The following COL12A1 variants were observed in gnomAD, a reference collection of about 807,000 sequenced individuals.
COL12A1 encodes the protein collagen type XII alpha 1 chain.
COL12A1 carries 114 observed loss-of-function variants against 349.7 expected under a neutral mutation model. The ratio of observed to expected loss-of-function variants is 0.33; its 90% CI spans 0.28 to 0.38. The LOEUF (loss-of-function observed/expected upper bound fraction) is 0.38. COL12A1 is among the 10% of genes least tolerant of loss of function. The pLI is 1.00. For missense variants in COL12A1, 3,284 were observed against 3,756.9 expected (o/e 0.87, Z 3.29); for synonymous variants, 1,369 against 1,329.0 (o/e 1.03, Z -0.66).
In COL12A1 at chr6:75,137,540, G is replaced by T. The variant is rs1766682903; in HGVS notation, c.5291C>A (p.Ala1764Glu). Residue 1764 changes from alanine (A) to glutamate (E), a missense_variant, in exon 31 of 66, where the codon GCA becomes GAA. Coordinates refer to ENST00000322507, the MANE Select transcript of COL12A1 (RefSeq NM_004370.6). ...SGPRNLQVYN[A>E]TSNSLTVKWD... is the part of the protein sequence containing the mutation. ...CTTAACAGTCAGGCTGTTAGATGTTGCATTGTACACTTGAAGGTTTCGTGG... is the reference window on the plus strand; with the variant it reads ...CTTAACAGTCAGGCTGTTAGATGTTTCATTGTACACTTGAAGGTTTCGTGG... 1 of 1,613,752 alleles carries T rather than the reference G, an allele frequency of 6.2e-7. No individual in the cohort carries two copies. Among genetic ancestry groups the T allele is most frequent in the Admixed American group, 1.7e-5 (1 of 59,980 alleles).
Position 75,148,496 on chromosome 6 carries a change from A to G in COL12A1, c.4149T>C (p.Gly1383=), listed in dbSNP as rs1767315929. ...INLCNSVKGP[G]DLEAPSNLVI... ...CTAAGTTAGAAGGTGCTTCCAAATC[A>G]CCTACACATGGAAATAAAGGGTATA... The change falls in exon 22 of 66, where the codon GGT becomes GGC. Residue 1383 remains glycine, a splice_region_variant and synonymous_variant. Transcript: ENST00000322507. 6.2e-7 allele frequency: 1 copy of G among 1,611,996 alleles called. No individual in the cohort carries two copies. Among genetic ancestry groups the G allele is most frequent in the African/African-American group, 1.3e-5 (1 of 74,812 alleles).
At chr6:75,137,349 G>T in intron 31 of COL12A1, 88 bp downstream of exon 31, 1 of 1,208,812 alleles carries the variant, frequency 8.3e-7, no homozygotes, top group Non-Finnish European at 1.1e-6. Context: ...TAAAAAGTAA[G>T]TATGACTAAC....
Position 75,192,272 on chromosome 6 carries a change from C to A in COL12A1, c.274G>T (p.Val92Leu), listed in dbSNP as rs377482121. The part of the protein sequence containing the change: ...SELVPETEYV[V>L]TITSYDEVEE... ...ACTTCATCATATGAAGTTATTGTCA[C>A]CACATACTCTGTTTCAGGTACAAGT... The change falls in exon 4 of 66, where the codon GTG (valine) becomes TTG (leucine). Residue 92 changes from valine (V) to leucine (L), a missense_variant. Val to Leu is a conservative substitution (Grantham distance 32). Transcript: ENST00000322507. The A allele has an allele frequency of 6.2e-6, 10 of 1,611,052 alleles. No individual in the cohort carries two copies. Among genetic ancestry groups the A allele is most frequent in the Non-Finnish European group, 8.5e-6 (10 of 1,178,226 alleles).
intron 60 of COL12A1, 28 bp downstream of exon 60, chr6:75,095,080 T>G: frequency 1.2e-6 from 2 of 1,605,294 alleles, no homozygotes; most frequent in South Asian, 1.1e-5. Context: ...GAAACCACTG[T>G]CAGTAGACAT....
chr6:75,095,909 TAAG>T (rs1189897786), intron 59 of COL12A1, among the ~76,000 whole-genome samples: 6 of 152,118 alleles, frequency 3.9e-5, no homozygotes, highest in Non-Finnish European at 8.8e-5. Context: ...GGAGAAGAAT[TAAG>T]AAGGTGGCCA....
chr6:75,200,505 G>A (rs1042926193), intron 2 of COL12A1, among the ~76,000 whole-genome samples: 11 of 152,096 alleles, frequency 7.2e-5, no homozygotes, highest in Non-Finnish European at 1.3e-4. Context: ...CCCAGGAGGC[G>A]GAGGCTGCAG....
intron 3 of COL12A1, among the ~76,000 whole-genome samples, chr6:75,193,948 T>C (rs2149481518): frequency 6.6e-6 from 1 of 152,348 alleles, no homozygotes; most frequent in South Asian, 2.1e-4. Flanking sequence ...GGCATATATG[T>C]GCCACATTTT....
In COL12A1 at chr6:75,121,369, T is replaced by C. The variant is rs1474542485; in HGVS notation, c.7019A>G (p.Asn2340Ser). Residue 2340 changes from asparagine to serine, a missense_variant, in exon 44 of 66, where the codon AAC becomes AGC. Asn to Ser is a conservative substitution (Grantham distance 46). Around this residue, in one of 2 missense-constraint regions of COL12A1, gnomAD observed 683 missense variants for 932.1 expected, o/e 0.73. Coordinates refer to ENST00000322507, the MANE Select transcript of COL12A1 (RefSeq NM_004370.6). ...ATTGAAGATGAATTTTACAACTTTGTTAAAATTATCGTCCCCAATGCTCCA... is the reference window on the plus strand; with the variant it reads ...ATTGAAGATGAATTTTACAACTTTGCTAAAATTATCGTCCCCAATGCTCCA... ...ASWSIGDDNF[N>S]KVVKFIFNTV... 3.1e-6 allele frequency: 5 copies of C among 1,611,922 alleles called. No homozygotes were observed. The Admixed American group carries it at 6.7e-5, about 22-fold the overall frequency.
chr6:75,182,015 G>C (rs1769332970), intron 10 of COL12A1, among the ~76,000 whole-genome samples: 1 of 149,656 alleles, frequency 6.7e-6, no homozygotes, highest in African/African-American at 2.5e-5. Flanking sequence ...AGAATTGCTT[G>C]AACTGGGGAG....
chr6:75,129,978 G>T, intron 37 of COL12A1, 113 bp downstream of exon 37: 1 of 1,238,870 alleles, frequency 8.1e-7, no homozygotes, highest in Non-Finnish European at 1.1e-6. Flanking sequence ...AAATCCTAAA[G>T]TGTGACTATC....
At chr6:75,115,397 A>G (rs1255410925) in intron 49 of COL12A1, among the ~76,000 whole-genome samples, 2 of 152,144 alleles carry the variant, frequency 1.3e-5, no homozygotes, top group African/African-American at 2.4e-5. Flanking sequence ...TTCATTTTCT[A>G]GAGGTCGGAA....
chr6:75,130,952 C>G lies in COL12A1; in HGVS notation c.5967G>C (p.Val1989=). 6.2e-7 allele frequency: 1 copy of G among 1,614,150 alleles called. No individual in the cohort carries two copies. The highest frequency in any genetic ancestry group is 8.5e-7 in the Non-Finnish European group (1 of 1,180,000). ...SIVVPGNTRM[V]HLERLIPDTL... ...TGTCCGGAATCAGCCGCTCCAGATG[C>G]ACCATGCGCGTGTTTCCTGGCACTA... Residue 1989 remains valine, a synonymous_variant, in exon 36 of 66, where the codon GTG becomes GTC. Transcript: ENST00000322507.
intron 2 of COL12A1, among the ~76,000 whole-genome samples, chr6:75,200,397 AC>A (rs1267266165): frequency 3.3e-5 from 5 of 151,968 alleles, no homozygotes; most frequent in African/African-American, 1.2e-4. Context: ...ACATGGTGAA[AC>A]CCCGTCTCTA....
intron 27 of COL12A1, 46 bp from the exon 28 acceptor site, chr6:75,139,007 G>A (rs2149396596): frequency 6.2e-7 from 1 of 1,605,140 alleles, no homozygotes; most frequent in African/African-American, 1.3e-5. Flanking sequence ...AATGTGAGCT[G>A]CAAATGCAAT....
intron 47 of COL12A1, 117 bp downstream of exon 47, chr6:75,117,265 G>T: frequency 1.0e-6 from 1 of 1,004,416 alleles, no homozygotes. Flanking sequence ...GTTCTCAAGT[G>T]ATTTCCCAGG....
intron 17 of COL12A1, among the ~76,000 whole-genome samples, chr6:75,153,734 T>C (rs1001771567): frequency 1.3e-5 from 2 of 152,156 alleles, no homozygotes; most frequent in African/African-American, 4.8e-5. Context: ...AAGTAAACTC[T>C]GTCCACCACC....
intron 52 of COL12A1, 114 bp downstream of exon 52, chr6:75,108,904 A>G (rs1184771237): frequency 5.3e-6 from 6 of 1,131,354 alleles, no homozygotes; most frequent in African/African-American, 4.8e-5. Flanking sequence ...GAAATTTGAC[A>G]ACTTAAAACT....
chr6:75,139,415 A>G (rs1395331208), intron 27 of COL12A1, among the ~76,000 whole-genome samples: 1 of 152,228 alleles, frequency 6.6e-6, no homozygotes, highest in East Asian at 1.9e-4. Flanking sequence ...ATTATACATT[A>G]AAGATGATGC....
At chr6:75,142,609 CA>C (rs959951583) in intron 26 of COL12A1, among the ~76,000 whole-genome samples, 5 of 152,166 alleles carry the variant, frequency 3.3e-5, no homozygotes, top group African/African-American at 4.8e-5. Context: ...GTATAATCCA[CA>C]AATGACCAGC....
Sources: allele counts gnomAD v4.1 joint callset (sites outside exome capture counted in the v4.1 genomes callset), GRCh38; gene constraint gnomAD v4.1.1; regional missense constraint gnomAD v4.1.1; transcripts MANE v1.5; gene names NCBI Gene and HGNC (gene_info 2026-07-23, HGNC 2026-07-21).